OSBPL9: variants seen among roughly 807,000 people sequenced by gnomAD.
OSBPL9 encodes the protein oxysterol binding protein like 9.
A neutral mutation model predicts 106.6 loss-of-function variants in OSBPL9; 40 were observed. The ratio of observed to expected loss-of-function variants is 0.38; its 90% CI spans 0.29 to 0.49. OSBPL9 has a LOEUF of 0.49. Ranked by LOEUF, OSBPL9 falls within the 20% of genes least tolerant of loss-of-function variation. The probability of loss-of-function intolerance (pLI) is 0.97; values close to 1 mark genes in which losing one functional copy is unlikely to be tolerated. For missense variants in OSBPL9, 609 were observed against 887.2 expected, an observed-to-expected ratio of 0.69 and a Z score of 3.98; for synonymous variants, 269 against 295.4, an observed-to-expected ratio of 0.91 and a Z score of 0.92.
chr1:51,602,031 T>TTTTTTTTTTC (rs1645327238), intron 2 of OSBPL9, among the ~76,000 whole-genome samples: 1 of 125,926 alleles, frequency 7.9e-6, no homozygotes, highest in Non-Finnish European at 1.7e-5. Flanking sequence ...TTTTTTTTTT[T>TTTTTTTTTTC]TTTTTTTGAG....
intron 3 of OSBPL9, among the ~76,000 whole-genome samples, chr1:51,686,631 G>T (rs1390133470): frequency 6.6e-6 from 1 of 152,202 alleles, no homozygotes; most frequent in Non-Finnish European, 1.5e-5. Context: ...AGGAACTGGG[G>T]CATTGGTTGG....
intron 14 of OSBPL9, among the ~76,000 whole-genome samples, chr1:51,775,125 A>G (rs1228457239): frequency 1.3e-5 from 2 of 152,100 alleles, no homozygotes; most frequent in African/African-American, 4.8e-5. Context: ...ATCTAACCCT[A>G]TTTGGATTAT....
chr1:51,780,773 A>T (rs1571757480), intron 15 of OSBPL9, among the ~76,000 whole-genome samples: 1 of 151,890 alleles, frequency 6.6e-6, no homozygotes, highest in South Asian at 2.1e-4. Flanking sequence ...TCAAAAAGAA[A>T]GAATGATACA....
intron 3 of OSBPL9, among the ~76,000 whole-genome samples, chr1:51,702,572 A>T (rs563393877): frequency 2.6e-5 from 4 of 151,896 alleles, no homozygotes; most frequent in Admixed American, 2.0e-4. Flanking sequence ...AGATTGCAAA[A>T]TTTTTCTCCC....
intron 3 of OSBPL9, among the ~76,000 whole-genome samples, chr1:51,685,457 G>A (rs1653568473): frequency 6.6e-6 from 1 of 151,984 alleles, no homozygotes; most frequent in African/African-American, 2.4e-5. Context: ...ACTCAGGCTG[G>A]AGTATAGTGG....
the OSBPL9 span, among the ~76,000 whole-genome samples, chr1:51,539,806 C>T: frequency 2.6e-5 from 4 of 152,176 alleles, no homozygotes; most frequent in Non-Finnish European, 5.9e-5. Context: ...CCACACTATG[C>T]TAGATCATGT....
At chr1:51,640,872 C>T (rs569431492) in intron 1 of OSBPL9, among the ~76,000 whole-genome samples, 1 of 151,566 alleles carries the variant, frequency 6.6e-6, no homozygotes, top group South Asian at 2.1e-4. Flanking sequence ...TAACCTCTAA[C>T]TCCTGGGCTA....
chr1:51,698,659 C>T (rs1656609541), intron 3 of OSBPL9, among the ~76,000 whole-genome samples: 1 of 151,992 alleles, frequency 6.6e-6, no homozygotes, highest in Admixed American at 6.6e-5. Flanking sequence ...TAGAGATAAG[C>T]TGAATGTACA....
chr1:51,641,852 G>A (rs1463660596), intron 1 of OSBPL9, among the ~76,000 whole-genome samples: 2 of 152,110 alleles, frequency 1.3e-5, no homozygotes, highest in Non-Finnish European at 2.9e-5. Context: ...ACAGTATATC[G>A]AAGAGAATCT....
chr1:51,585,211 T>C (rs1043331153), intron 1 of OSBPL9, among the ~76,000 whole-genome samples: 1 of 150,046 alleles, frequency 6.7e-6, no homozygotes, highest in African/African-American at 2.5e-5. Context: ...CCTCAACTTA[T>C]TGGACTTGTG....
chr1:51,519,089 A>G, the OSBPL9 span: 2 of 709,154 alleles, frequency 2.8e-6, no homozygotes, highest in Non-Finnish European at 4.2e-6. Flanking sequence ...CCGGCCCACA[A>G]GCCAAGAAGC....
At chr1:51,622,478 G>A (rs1480034551) in intron 1 of OSBPL9, among the ~76,000 whole-genome samples, 1 of 152,206 alleles carries the variant, frequency 6.6e-6, no homozygotes. Context: ...TTACCTCATA[G>A]TTTTCGTGGG....
At position 51,642,694 on chromosome 1, in the gene OSBPL9, C is replaced by T. The variant is rs371677856; in HGVS notation, c.112-9297C>T. Among the ~76,000 whole-genome samples, 5 of 152,300 alleles carry T rather than the reference C, an allele frequency of 3.3e-5. No individual in the cohort carries two copies. The East Asian group carries it at 9.6e-4, about 29-fold the overall frequency. On this transcript the variant is annotated intron_variant, in intron 1 of 23. Transcript: ENST00000428468. ...CCCTTTGGCATATCTGGAGTTTTAT[C>T]TCTTTTTACATACAAATATCTAGGG... is the stretch of plus-strand genomic sequence containing the variant.
In OSBPL9 at chr1:51,750,210, C is replaced by T. The variant is rs779981138; in HGVS notation, c.543+15C>T. 6.3e-7 allele frequency: 1 copy of T among 1,590,322 alleles called. No homozygotes were observed. On this transcript the variant is annotated intron_variant, in intron 8 of 23. Transcript: ENST00000428468. ...AGATTGCCAAAGTAAGTAAATTTTA[C>T]TTTCAATTACCTTTGTGTATGGAGT...
chr1:51,701,073 G>T (rs1444031900), intron 3 of OSBPL9, among the ~76,000 whole-genome samples: 1 of 152,064 alleles, frequency 6.6e-6, no homozygotes, highest in Non-Finnish European at 1.5e-5. Context: ...CCAAGTAGCT[G>T]AGATTACAGG....
chr1:51,738,663 A>G (rs1666229424), intron 4 of OSBPL9, among the ~76,000 whole-genome samples: 1 of 151,820 alleles, frequency 6.6e-6, no homozygotes, highest in African/African-American at 2.4e-5. Flanking sequence ...ACCATTCTCT[A>G]TTATCTTCTT....
chr1:51,637,359 G>A (rs149967085), intron 1 of OSBPL9, among the ~76,000 whole-genome samples: 39 of 152,156 alleles, frequency 2.6e-4, no homozygotes, highest in Non-Finnish European at 1.2e-4. Flanking sequence ...GCTTGGTGGC[G>A]CATGCCTTTA....
At chr1:51,682,926 G>C (rs1353137060) in intron 3 of OSBPL9, among the ~76,000 whole-genome samples, 1 of 150,420 alleles carries the variant, frequency 6.6e-6, no homozygotes, top group Non-Finnish European at 1.5e-5. Flanking sequence ...GCCCATGCTA[G>C]AGTGCAATGG....
chr1:51,538,689 T>G, the OSBPL9 span: 3 of 152,334 alleles, frequency 2.0e-5, no homozygotes, highest in South Asian at 4.1e-4. Flanking sequence ...TTTCTCTGTA[T>G]TGTTCCTTTT....
Sources: gnomAD v4.1 joint callset for allele counts (sites outside exome capture counted in the v4.1 genomes callset) on GRCh38, gnomAD v4.1.1 for gene constraint, MANE v1.5 for transcripts, NCBI Gene and HGNC (gene_info 2026-07-23, HGNC 2026-07-21) for gene names.